Variants in ADGRE3 observed in about 807,000 individuals in gnomAD.
The protein encoded by ADGRE3 is adhesion G protein-coupled receptor E3, also known as EGF-like module receptor 3.
Under a neutral mutation model 80.1 loss-of-function variants are expected in ADGRE3, and 88 were observed. That is an observed-to-expected ratio of 1.10 (90% CI 0.93 to 1.31). ADGRE3 has a LOEUF of 1.31. Among genes scored for constraint, ADGRE3 ranks in the 40% most tolerant of loss-of-function variants. The pLI is 0.00. For synonymous variants in ADGRE3, 281 were observed against 294.8 expected, an observed-to-expected ratio of 0.95 and a Z score of 0.48; for missense variants, 715 against 776.5, an observed-to-expected ratio of 0.92 and a Z score of 0.94.
Position 14,630,195 on chromosome 19 carries a change from G to A in ADGRE3, c.1656C>T (p.Phe552=), listed in dbSNP as rs1284369952. The A allele has an allele frequency of 1.2e-6, 2 of 1,601,228 alleles. No individual in the cohort carries two copies. The highest frequency in any genetic ancestry group is 1.7e-5 in the Admixed American group (1 of 57,932). ...GGATGAAGAGCTGAGCTGTTGCTTT[G>A]AAAGCCAGCATCCTGGGAGGAGGAA... ...STIQNTRMLA[F]KATAQLFILG... is the part of the protein sequence containing the mutation. The change falls in exon 14 of 16, where the codon TTC becomes TTT. Residue 552 remains phenylalanine, a synonymous_variant. Coordinates refer to ENST00000253673, the MANE Select transcript of ADGRE3 (RefSeq NM_032571.5).
the ADGRE3 span, among the ~76,000 whole-genome samples, chr19:14,613,975 T>G: frequency 6.6e-5 from 10 of 152,130 alleles, no homozygotes; most frequent in Non-Finnish European, 1.2e-4. Context: ...TGTGAGCCAC[T>G]GCACCCAGCC....
chr19:14,623,637 T>C (rs765981305), intron 15 of ADGRE3, among the ~76,000 whole-genome samples: 3 of 152,136 alleles, frequency 2.0e-5, no homozygotes, highest in African/African-American at 7.2e-5. Flanking sequence ...TGGGGCAGAA[T>C]CCCTCCCCTG....
chr19:14,604,949 C>A, the ADGRE3 span, among the ~76,000 whole-genome samples: 82 of 152,192 alleles, frequency 5.4e-4, 1 homozygote, highest in African/African-American at 2.0e-3. Context: ...GAGTGTTACT[C>A]ACACCCAAAC....
chr19:14,670,481 AG>A (rs1396359128), intron 1 of ADGRE3, among the ~76,000 whole-genome samples: 10 of 152,208 alleles, frequency 6.6e-5, no homozygotes, highest in African/African-American at 2.4e-4. Context: ...GAGACCAGCA[AG>A]GTTCTAGAAA....
At chr19:14,657,847 T>C (rs1185587402) in intron 5 of ADGRE3, among the ~76,000 whole-genome samples, 3 of 151,988 alleles carry the variant, frequency 2.0e-5, no homozygotes, top group Non-Finnish European at 4.4e-5. Context: ...CACCGCAACC[T>C]CCGCCTCCTG....
chr19:14,607,073 G>A, the ADGRE3 span: 2 of 1,336,628 alleles, frequency 1.5e-6, no homozygotes, highest in South Asian at 1.9e-5. Context: ...GGGACTGGAG[G>A]TGGCTGGATG....
chr19:14,614,291 G>A (rs1374851512), downstream of ADGRE3, among the ~76,000 whole-genome samples: 1 of 152,156 alleles, frequency 6.6e-6, no homozygotes, highest in Non-Finnish European at 1.5e-5. Flanking sequence ...TTTCTGATAT[G>A]CGTATTGAGA....
intron 9 of ADGRE3, among the ~76,000 whole-genome samples, chr19:14,643,885 AT>A: frequency 6.6e-6 from 1 of 151,902 alleles, no homozygotes; most frequent in South Asian, 2.1e-4. Context: ...GAATTTTTGT[AT>A]TTTTAGCAGA....
chr19:14,619,686 T>A (rs1970479043), intron 15 of ADGRE3, among the ~76,000 whole-genome samples: 2 of 152,190 alleles, frequency 1.3e-5, no homozygotes, highest in Non-Finnish European at 2.9e-5. Flanking sequence ...CAGGAAGAAT[T>A]CTTCTTTTTG....
rs1304231200 is a variant in ADGRE3, at chr19:14,647,262, A to G, written c.801T>C (p.Ser267=). The change falls in exon 8 of 16, where the codon TCT becomes TCC. Residue 267 remains serine (S), a synonymous_variant. Transcript: ENST00000253673. The part of the protein sequence containing the change: ...MDKKDQVYLN[S]QVVSAAIGPK... ...GTCCAATAGCAGCACTCACAACCTGAGAGTTCAGATACACTTGATCTTTCT... is the reference window on the plus strand; with the variant it reads ...GTCCAATAGCAGCACTCACAACCTGGGAGTTCAGATACACTTGATCTTTCT... 1 of 1,612,964 alleles carries G rather than the reference A, an allele frequency of 6.2e-7. No individual in the cohort carries two copies. Among genetic ancestry groups the G allele is most frequent in the Non-Finnish European group, 8.5e-7 (1 of 1,178,942 alleles).
Position 14,632,923 on chromosome 19 carries a change from T to C in ADGRE3, c.1641A>G (p.Thr547=). 6.2e-7 allele frequency: 1 copy of C among 1,603,710 alleles called. No homozygotes were observed. Among genetic ancestry groups the C allele is most frequent in the East Asian group, 2.2e-5 (1 of 44,838 alleles). ...AAGTACCATTTGTCACATCCTACCT[T>C]GTGTTCTGGATGGTTGACACTTCAC... ...LNSEVSTIQN[T]RMLAFKATAQ... is the part of the protein sequence containing the mutation. The change falls in exon 13 of 16, where the codon ACA becomes ACG. Residue 547 remains threonine, a splice_region_variant and synonymous_variant. Coordinates refer to ENST00000253673, the MANE Select transcript of ADGRE3 (RefSeq NM_032571.5).
the ADGRE3 span, among the ~76,000 whole-genome samples, chr19:14,604,458 A>G: frequency 6.6e-6 from 1 of 152,148 alleles, no homozygotes; most frequent in Admixed American, 6.6e-5. Flanking sequence ...CAAAAATTTC[A>G]ATCACCTTAA....
Position 14,663,555 on chromosome 19 carries a change from G to C in ADGRE3, c.77-15C>G. The C allele has an allele frequency of 1.2e-6, 2 of 1,610,214 alleles. No homozygotes were observed. Among genetic ancestry groups the C allele is most frequent in the Non-Finnish European group, 1.7e-6 (2 of 1,177,486 alleles). ...AGCACAGGAAGCTGCAGGGAGAAGA[G>C]AGGCAGGTTAAATGGACTGGGGTCA... On this transcript the variant is annotated splice_polypyrimidine_tract_variant and intron_variant, in intron 2 of 15. Coordinates refer to ENST00000253673, the MANE Select transcript of ADGRE3 (RefSeq NM_032571.5).
intron 11 of ADGRE3, among the ~76,000 whole-genome samples, chr19:14,636,306 A>C (rs1599617482): frequency 7.4e-6 from 1 of 134,876 alleles, no homozygotes. Flanking sequence ...TGCAACTTCC[A>C]CCTCCCGGGT....
the ADGRE3 span, chr19:14,606,911 A>C: frequency 1.7e-6 from 1 of 601,670 alleles, no homozygotes; most frequent in Non-Finnish European, 2.4e-6. Context: ...AGCCCTAAAT[A>C]TGTAGGACAG....
intron 1 of ADGRE3, among the ~76,000 whole-genome samples, chr19:14,670,807 A>T (rs1972234562): frequency 6.6e-6 from 1 of 152,260 alleles, no homozygotes. Flanking sequence ...AGTCAGTGGC[A>T]GAGCTGAGGT....
chr19:14,647,268 C>G lies in ADGRE3; in HGVS notation c.795G>C (p.Leu265=). ...EEMDKKDQVY[L]NSQVVSAAIG... Reference sequence around the variant, plus strand: ...TAGCAGCACTCACAACCTGAGAGTTCAGATACACTTGATCTTTCTTATCCA... The same window carrying G: ...TAGCAGCACTCACAACCTGAGAGTTGAGATACACTTGATCTTTCTTATCCA... The change falls in exon 8 of 16, where the codon CTG becomes CTC. Residue 265 remains leucine (L), a synonymous_variant. Transcript: ENST00000253673. 25 of 1,613,622 alleles carry G rather than the reference C, an allele frequency of 1.5e-5. No individual in the cohort carries two copies. Among genetic ancestry groups the G allele is most frequent in the Non-Finnish European group, 2.1e-5 (25 of 1,179,586 alleles).
downstream of ADGRE3, among the ~76,000 whole-genome samples, chr19:14,615,619 G>A (rs1383272492): frequency 6.6e-6 from 1 of 151,336 alleles, no homozygotes; most frequent in Admixed American, 6.6e-5. Flanking sequence ...AAAATTAGCC[G>A]GGCGTGGTGG....
At chr19:14,636,058 T>TTCCTTCCTTCCTTCCC (rs1449287126) in intron 11 of ADGRE3, among the ~76,000 whole-genome samples, 3 of 22,406 alleles carry the variant, frequency 1.3e-4, no homozygotes, top group African/African-American at 3.5e-4. Context: ...CCTTCCTTCC[T>TTCCTTCCTTCCTTCCC]TCCTTTCCTT....
Sources: gnomAD v4.1 joint callset for allele counts (sites outside exome capture counted in the v4.1 genomes callset) on GRCh38, gnomAD v4.1.1 for gene constraint, MANE v1.5 for transcripts, NCBI Gene and HGNC (gene_info 2026-07-23, HGNC 2026-07-21) for gene names.